CDC42: variants seen among roughly 807,000 people sequenced by gnomAD.
CDC42 encodes cell division cycle 42, also known as cell division control protein 42 homolog.
A neutral mutation model predicts 20.8 loss-of-function variants in CDC42; 1 was observed. That is an observed-to-expected ratio of 0.05 (90% confidence interval 0.02 to 0.23). The LOEUF is 0.23. Ranked by LOEUF, CDC42 falls within the 10% of genes least tolerant of loss-of-function variation. The probability of loss-of-function intolerance (pLI) is 1.00; values close to 1 mark genes in which losing one functional copy is unlikely to be tolerated. For synonymous variants in CDC42, 72 were observed against 84.8 expected (o/e 0.85, Z 0.83); for missense variants, 49 against 227.9 (o/e 0.21, Z 5.05).
intron 1 of CDC42, among the ~76,000 whole-genome samples, chr1:22,055,782 C>T (rs1036227554): frequency 6.6e-6 from 1 of 151,736 alleles, no homozygotes; most frequent in Non-Finnish European, 1.5e-5. Context: ...GCTGCTGTGC[C>T]GCTGACAGGC....
intron 1 of CDC42, among the ~76,000 whole-genome samples, chr1:22,074,731 A>C (rs1479349356): frequency 1.3e-5 from 2 of 152,210 alleles, no homozygotes; most frequent in East Asian, 3.8e-4. Flanking sequence ...CATGTGTTAA[A>C]GGGCAAAACT....
chr1:22,056,735 A>G (rs1334640938), intron 1 of CDC42, among the ~76,000 whole-genome samples: 2 of 152,256 alleles, frequency 1.3e-5, no homozygotes, highest in Admixed American at 6.5e-5. Flanking sequence ...TCTGCCACCA[A>G]TGTGGCGTCC....
intron 1 of CDC42, chr1:22,064,035 A>G (rs550714660): frequency 2.0e-5 from 3 of 151,540 alleles, no homozygotes; most frequent in Non-Finnish European, 4.4e-5. Flanking sequence ...AGTCATCTTT[A>G]GTATGTATAA....
intron 1 of CDC42, among the ~76,000 whole-genome samples, chr1:22,065,143 A>G (rs904316821): frequency 2.0e-5 from 3 of 152,246 alleles, no homozygotes; most frequent in Admixed American, 2.0e-4. Context: ...CTTGCCCAAA[A>G]TCACACAAGA....
At chr1:22,078,256 C>T (rs535633523) in intron 1 of CDC42, among the ~76,000 whole-genome samples, 173 bp from the exon 2 acceptor site, 1 of 152,062 alleles carries the variant, frequency 6.6e-6, no homozygotes, top group Non-Finnish European at 1.5e-5. Flanking sequence ...TAGAAATGGA[C>T]CTTATTTGTT....
intron 1 of CDC42, among the ~76,000 whole-genome samples, chr1:22,063,207 C>G (rs1645385793): frequency 6.6e-6 from 1 of 151,884 alleles, no homozygotes; most frequent in African/African-American, 2.4e-5. Flanking sequence ...TTAGATTACT[C>G]TCCCATGTTT....
In CDC42 at chr1:22,082,672, A is replaced by C. The variant is rs554337811; in HGVS notation, c.178+878A>C. ...TTGCTTCCATGGAATGTGGTGTTAC[A>C]CTGTGTACCACGAGGAACTATTTGG... On this transcript the variant is annotated intron_variant, in intron 3 of 5. Transcript: ENST00000656825. Among the ~76,000 whole-genome samples the C allele has an allele frequency of 9.2e-5, 14 of 152,330 alleles. No homozygotes were observed. The East Asian group carries it at 2.7e-3, about 29-fold the overall frequency.
intron 1 of CDC42, among the ~76,000 whole-genome samples, chr1:22,065,866 C>G (rs1306033594): frequency 6.6e-6 from 1 of 152,098 alleles, no homozygotes; most frequent in African/African-American, 2.4e-5. Flanking sequence ...TCAAGCGATT[C>G]TCAAGCCTCA....
At chr1:22,074,661 C>G (rs1177269614) in intron 1 of CDC42, among the ~76,000 whole-genome samples, 1 of 152,174 alleles carries the variant, frequency 6.6e-6, no homozygotes, top group African/African-American at 2.4e-5. Flanking sequence ...CTCTAGTGAT[C>G]TTCCCACTTT....
rs1344068117 is a variant in CDC42, at chr1:22,094,850, T to C, written c.*3333T>C. Among the ~76,000 whole-genome samples, 1 of 152,216 alleles carries C rather than the reference T, an allele frequency of 6.6e-6. No homozygotes were observed. Among genetic ancestry groups the C allele is most frequent in the East Asian group, 1.9e-4 (1 of 5,198 alleles). ...GTCACTAAATTTGTGCTATCATAATTGTTACCTTCATAGAATGCTTAAATA... is the reference window on the plus strand; with the variant it reads ...GTCACTAAATTTGTGCTATCATAATCGTTACCTTCATAGAATGCTTAAATA... On this transcript the variant is annotated 3_prime_UTR_variant, in exon 6 of 6. Coordinates refer to ENST00000656825, the MANE Select transcript of CDC42 (RefSeq NM_001791.4).
Position 22,099,319 on chromosome 1 carries a change from T to C in CDC42, c.*7802T>C, listed in dbSNP as rs888145683. The stretch of plus-strand genomic sequence containing the variant: ...AGCTTTGTTAATTGAGCTCTTACTG[T>C]GTGCCTTTGCACTGTGTTAAGCACA... On this transcript the variant is annotated 3_prime_UTR_variant, in exon 6 of 6. Coordinates refer to ENST00000656825, the MANE Select transcript of CDC42 (RefSeq NM_001791.4). Among the ~76,000 whole-genome samples the C allele has an allele frequency of 1.3e-5, 2 of 152,262 alleles. No homozygotes were observed. The highest frequency in any genetic ancestry group is 2.9e-5 in the Non-Finnish European group (2 of 68,046).
chr1:22,073,648 T>C (rs1158719388), intron 1 of CDC42, among the ~76,000 whole-genome samples: 2 of 152,212 alleles, frequency 1.3e-5, no homozygotes, highest in East Asian at 1.9e-4. Flanking sequence ...TATTTCCTTA[T>C]GATTGGCAGA....
chr1:22,078,834 G>A (rs1205809656), intron 2 of CDC42: 8 of 1,401,414 alleles, frequency 5.7e-6, no homozygotes, highest in African/African-American at 2.9e-5. Flanking sequence ...AGATTCTAAC[G>A]AGTGGTGGTC....
At chr1:22,061,542 T>C (rs1645364866) in intron 1 of CDC42, among the ~76,000 whole-genome samples, 1 of 110,974 alleles carries the variant, frequency 9.0e-6, no homozygotes, top group Non-Finnish European at 1.9e-5. Context: ...CTTTTTTTTT[T>C]TTTTTTTTTT....
At chr1:22,084,949 A>T (rs1304143960) in intron 3 of CDC42, among the ~76,000 whole-genome samples, 1 of 152,092 alleles carries the variant, frequency 6.6e-6, no homozygotes, top group Non-Finnish European at 1.5e-5. Context: ...TATTTGAGCT[A>T]GGCTAGGCAC....
intron 1 of CDC42, among the ~76,000 whole-genome samples, chr1:22,074,650 G>A (rs1287901727): frequency 6.6e-6 from 1 of 152,120 alleles, no homozygotes; most frequent in Non-Finnish European, 1.5e-5. Context: ...GAACTCCTCA[G>A]CTCTAGTGAT....
At chr1:22,083,172 C>T (rs1014437570) in intron 3 of CDC42, among the ~76,000 whole-genome samples, 5 of 151,960 alleles carry the variant, frequency 3.3e-5, no homozygotes, top group Non-Finnish European at 7.4e-5. Flanking sequence ...TGAACCACTG[C>T]GCCTGGCGAG....
chr1:22,072,091 CTTTTTTTTTTT>C (rs55929932), intron 1 of CDC42, among the ~76,000 whole-genome samples: 3 of 70,810 alleles, frequency 4.2e-5, no homozygotes, highest in Non-Finnish European at 7.3e-5. Flanking sequence ...TTTTACTTAC[CTTTTTTTTTTT>C]TTTTTTTTTT....
chr1:22,058,804 A>G (rs749384548), intron 1 of CDC42, among the ~76,000 whole-genome samples: 14 of 151,518 alleles, frequency 9.2e-5, no homozygotes, highest in Non-Finnish European at 2.1e-4. Context: ...CAGCCGAATT[A>G]CGTATTTTTT....
Sources: gnomAD v4.1 joint callset for allele counts (sites outside exome capture counted in the v4.1 genomes callset) on GRCh38, gnomAD v4.1.1 for gene constraint, MANE v1.5 for transcripts, NCBI Gene and HGNC (gene_info 2026-07-23, HGNC 2026-07-21) for gene names.